The following GALNTL6 variants were observed in gnomAD, a reference collection of about 807,000 sequenced individuals.
GALNTL6 encodes polypeptide N-acetylgalactosaminyltransferase-like 6.
GALNTL6 carries 46 observed loss-of-function variants against 73.7 expected under a neutral mutation model. The observed-to-expected ratio is 0.62, with a 90% CI of 0.49 to 0.80. GALNTL6 has a LOEUF of 0.80. Among genes scored for constraint, GALNTL6 ranks in the 30% least tolerant of loss-of-function variants. GALNTL6 has a pLI of 0.00. For missense variants in GALNTL6, 604 were observed against 755.0 expected, an observed-to-expected ratio of 0.80 and a Z score of 2.34; for synonymous variants, 259 against 263.7, an observed-to-expected ratio of 0.98 and a Z score of 0.17.
intron 5 of GALNTL6, among the ~76,000 whole-genome samples, chr4:172,669,961 TG>T (rs1277000863): frequency 6.6e-6 from 1 of 152,242 alleles, no homozygotes; most frequent in African/African-American, 2.4e-5. Context: ...CTAAGGATAA[TG>T]GCCTCCAGCT....
At chr4:172,613,047 G>C (rs1394092208) in intron 5 of GALNTL6, among the ~76,000 whole-genome samples, 1 of 152,034 alleles carries the variant, frequency 6.6e-6, no homozygotes, top group African/African-American at 2.4e-5. Context: ...CCTTATGATA[G>C]TCCACATTCA....
intron 2 of GALNTL6, among the ~76,000 whole-genome samples, chr4:171,966,223 A>G (rs542696249): frequency 5.9e-5 from 9 of 152,320 alleles, no homozygotes; most frequent in Admixed American, 5.2e-4. Context: ...CCAGCACAGC[A>G]TATACATTCT....
intron 2 of GALNTL6, among the ~76,000 whole-genome samples, chr4:172,076,112 G>C (rs1731696255): frequency 6.6e-6 from 1 of 152,108 alleles, no homozygotes; most frequent in Non-Finnish European, 1.5e-5. Context: ...TCCTCTAATA[G>C]CACCACCATT....
At chr4:172,063,350 C>G (rs112387239) in intron 2 of GALNTL6, among the ~76,000 whole-genome samples, 99 of 152,274 alleles carry the variant, frequency 6.5e-4, no homozygotes, top group Middle Eastern at 6.8e-3. Context: ...TTAGCCAAAG[C>G]ATGGCTGATT....
chr4:172,428,795 C>T (rs1453573172), intron 5 of GALNTL6, among the ~76,000 whole-genome samples: 3 of 152,070 alleles, frequency 2.0e-5, no homozygotes, highest in Non-Finnish European at 4.4e-5. Context: ...CATCAATGAA[C>T]GAAAACTAAA....
chr4:172,134,394 A>C (rs1467244612), intron 2 of GALNTL6, among the ~76,000 whole-genome samples: 1 of 151,616 alleles, frequency 6.6e-6, no homozygotes, highest in African/African-American at 2.4e-5. Context: ...AAAAAAAAAA[A>C]GGTAGTAACA....
Position 172,521,269 on chromosome 4 carries a change from G to T in GALNTL6, c.553+172580G>T, listed in dbSNP as rs376618689. Among the ~76,000 whole-genome samples the T allele has an allele frequency of 9.9e-5, 15 of 152,090 alleles. No individual in the cohort carries two copies. In the East Asian group the frequency reaches 2.3e-3, roughly 24 times the overall value. On this transcript the variant is annotated intron_variant, in intron 5 of 12. Transcript: ENST00000506823. Reference sequence around the variant, plus strand: ...CACTGCCATTTTTTCATTCCTTAAAGACAATTTGCAAATAGCCTTTCAGCA... The same window carrying T: ...CACTGCCATTTTTTCATTCCTTAAATACAATTTGCAAATAGCCTTTCAGCA...
intron 2 of GALNTL6, among the ~76,000 whole-genome samples, chr4:172,103,927 T>TGTTTTC (rs1732596422): frequency 6.7e-6 from 1 of 149,766 alleles, no homozygotes; most frequent in African/African-American, 2.5e-5. Flanking sequence ...GACAGGTTTT[T>TGTTTTC]GTTTTTTTCT....
chr4:172,207,072 C>G (rs1323298510), intron 2 of GALNTL6, among the ~76,000 whole-genome samples: 1 of 151,720 alleles, frequency 6.6e-6, no homozygotes, highest in African/African-American at 2.4e-5. Context: ...CCCCCTTGGC[C>G]TCCCAAAGTG....
chr4:172,449,762 T>A (rs1274709057), intron 5 of GALNTL6, among the ~76,000 whole-genome samples: 3 of 152,246 alleles, frequency 2.0e-5, no homozygotes, highest in Non-Finnish European at 1.5e-5. Context: ...TTAATGACTT[T>A]AGATGCTGTG....
chr4:172,644,798 A>T (rs867488764), intron 5 of GALNTL6, among the ~76,000 whole-genome samples: 1 of 151,964 alleles, frequency 6.6e-6, no homozygotes, highest in Non-Finnish European at 1.5e-5. Flanking sequence ...GGCTTACAAG[A>T]TACTGTTAGT....
chr4:172,048,812 C>T (rs1161141239), intron 2 of GALNTL6, among the ~76,000 whole-genome samples: 3 of 152,074 alleles, frequency 2.0e-5, no homozygotes, highest in African/African-American at 7.2e-5. Flanking sequence ...TAACTGCATG[C>T]AGAGCACAAT....
intron 12 of GALNTL6, among the ~76,000 whole-genome samples, chr4:173,038,541 G>T (rs944121771): frequency 2.0e-5 from 3 of 152,200 alleles, no homozygotes; most frequent in Admixed American, 6.5e-5. Context: ...GATCTCAGGA[G>T]CCCTCTTTGT....
chr4:172,606,671 A>AG (rs1453621647), intron 5 of GALNTL6, among the ~76,000 whole-genome samples: 1 of 47,196 alleles, frequency 2.1e-5, no homozygotes, highest in African/African-American at 4.5e-5. Context: ...TACTATATAT[A>AG]TATACTATAT....
At chr4:172,228,636 CT>C (rs986479235) in intron 2 of GALNTL6, among the ~76,000 whole-genome samples, 1 of 151,718 alleles carries the variant, frequency 6.6e-6, no homozygotes, top group South Asian at 2.1e-4. Context: ...GCTAAATTGA[CT>C]TTTTTTTGCT....
chr4:172,915,966 C>A (rs186819134), intron 8 of GALNTL6, among the ~76,000 whole-genome samples: 84 of 152,126 alleles, frequency 5.5e-4, no homozygotes, highest in African/African-American at 1.7e-3. Flanking sequence ...TAGGCCAATA[C>A]CCCTGATGAA....
chr4:172,771,983 T>G (rs1256055075), intron 5 of GALNTL6, among the ~76,000 whole-genome samples: 1 of 152,172 alleles, frequency 6.6e-6, no homozygotes, highest in African/African-American at 2.4e-5. Context: ...AGAAGGAGCT[T>G]TAATGGACTC....
intron 2 of GALNTL6, among the ~76,000 whole-genome samples, chr4:171,831,961 G>A (rs1211805465): frequency 1.3e-5 from 2 of 151,222 alleles, no homozygotes; most frequent in Non-Finnish European, 3.0e-5. Context: ...TTATATGATT[G>A]TATGTGGTTC....
intron 5 of GALNTL6, among the ~76,000 whole-genome samples, chr4:172,430,672 G>A (rs1313735735): frequency 6.6e-6 from 1 of 152,050 alleles, no homozygotes; most frequent in African/African-American, 2.4e-5. Context: ...TGGCTTGGTG[G>A]TACACTCCTA....
Sources: gnomAD v4.1 joint callset for allele counts (sites outside exome capture counted in the v4.1 genomes callset) on GRCh38, gnomAD v4.1.1 for gene constraint, MANE v1.5 for transcripts, NCBI Gene and HGNC (gene_info 2026-07-23, HGNC 2026-07-21) for gene names.